PTPRN2: variants seen among roughly 807,000 people sequenced by gnomAD.
The protein encoded by PTPRN2 is protein tyrosine phosphatase receptor type N2.
Under a neutral mutation model 118.8 loss-of-function variants are expected in PTPRN2, and 74 were observed. The observed-to-expected ratio is 0.62, with a 90% CI of 0.52 to 0.76. The LOEUF is 0.76. Among genes scored for constraint, PTPRN2 ranks in the 30% least tolerant of loss-of-function variants. The pLI, the probability that PTPRN2 is intolerant of heterozygous loss-of-function variation, is 0.00. For missense variants in PTPRN2, 1,481 were observed against 1,394.4 expected, an observed-to-expected ratio of 1.06 and a Z score of -0.99; for synonymous variants, 641 against 608.0, an observed-to-expected ratio of 1.05 and a Z score of -0.80.
At position 158,071,280 on chromosome 7, in the gene PTPRN2, G is replaced by C. The variant is rs996670909; in HGVS notation, c.1723+10018C>G. 5.1e-3 allele frequency among the ~76,000 whole-genome samples: 365 copies of C among 71,670 alleles called. 18 individuals are homozygous for C. Among genetic ancestry groups the C allele is most frequent in the Admixed American group, 0.011 (79 of 7,210 alleles). 47.0% of individuals were successfully genotyped at this position (71,670 alleles called of 152,430 possible). ...GGTGCCCGTGGTGGTGGAGGTGCCC[G>C]TGGTGGTGGAGGTGCTCGTGGTGGA... On this transcript the variant is annotated intron_variant, in intron 11 of 22. Coordinates refer to ENST00000389418, the MANE Select transcript of PTPRN2 (RefSeq NM_002847.5).
At chr7:158,226,956 T>C (rs1828834931) in intron 3 of PTPRN2, among the ~76,000 whole-genome samples, 1 of 152,030 alleles carries the variant, frequency 6.6e-6, no homozygotes, top group African/African-American at 2.4e-5. Flanking sequence ...GGAGCCAGGC[T>C]GAGGAACAGA....
intron 9 of PTPRN2, among the ~76,000 whole-genome samples, chr7:158,123,321 A>G (rs1348157975): frequency 1.3e-5 from 2 of 152,180 alleles, no homozygotes; most frequent in African/African-American, 4.8e-5. Context: ...TGGGCTGGGG[A>G]GGTGCCCTGA....
rs985595014 is a variant in PTPRN2, at chr7:158,482,501, T to C, written c.163+7234A>G. On this transcript the variant is annotated intron_variant, in intron 2 of 22. Coordinates refer to ENST00000389418, the MANE Select transcript of PTPRN2 (RefSeq NM_002847.5). ...AGGAAGATTACAACTTGCTGAAAGC[T>C]CAGGTGATCATTAGCATTTTTAGCA... Among the ~76,000 whole-genome samples, 13 of 152,322 alleles carry C rather than the reference T, an allele frequency of 8.5e-5. No individual in the cohort carries two copies. In the East Asian group the frequency reaches 1.3e-3, roughly 16 times the overall value.
intron 11 of PTPRN2, among the ~76,000 whole-genome samples, chr7:158,067,337 C>A (rs1810849471): frequency 6.6e-6 from 1 of 152,220 alleles, no homozygotes; most frequent in Non-Finnish European, 1.5e-5. Context: ...TGAGTGTCTA[C>A]TGTGGAGGAG....
At chr7:157,559,840 GTCTC>G (rs945342647) in intron 21 of PTPRN2, among the ~76,000 whole-genome samples, 53 of 152,062 alleles carry the variant, frequency 3.5e-4, no homozygotes, top group African/African-American at 1.0e-3. Flanking sequence ...CCCCCGCCCC[GTCTC>G]TCTCCTGTGT....
intron 3 of PTPRN2, among the ~76,000 whole-genome samples, chr7:158,227,603 TA>T (rs1828890566): frequency 6.6e-6 from 1 of 152,014 alleles, no homozygotes; most frequent in African/African-American, 2.4e-5. Context: ...CACGACTATA[TA>T]AAAAAATACA....
chr7:157,988,650 C>T (rs1197955378), intron 11 of PTPRN2, among the ~76,000 whole-genome samples: 1 of 152,194 alleles, frequency 6.6e-6, no homozygotes, highest in Non-Finnish European at 1.5e-5. Flanking sequence ...CACAGGGGGG[C>T]TGGAGGGAAC....
At chr7:158,342,263 C>T (rs527553760) in intron 2 of PTPRN2, among the ~76,000 whole-genome samples, 1 of 139,976 alleles carries the variant, frequency 7.1e-6, no homozygotes, top group Non-Finnish European at 1.5e-5. Flanking sequence ...GCAGACGTCA[C>T]TCACACCCAC....
intron 3 of PTPRN2, among the ~76,000 whole-genome samples, chr7:158,285,152 G>T (rs964718249): frequency 1.3e-5 from 2 of 152,262 alleles, no homozygotes; most frequent in South Asian, 4.1e-4. Flanking sequence ...CCCAGGCTTT[G>T]GGCCATGCTG....
intron 2 of PTPRN2, among the ~76,000 whole-genome samples, chr7:158,317,659 C>G (rs1802445721): frequency 6.6e-6 from 1 of 152,204 alleles, no homozygotes; most frequent in Admixed American, 6.5e-5. Context: ...TTGGTGCACA[C>G]AAAAGGTTAA....
chr7:158,360,269 C>T (rs71544581), intron 2 of PTPRN2, among the ~76,000 whole-genome samples: 2 of 3,686 alleles, frequency 5.4e-4, no homozygotes, highest in African/African-American at 4.0e-3. Context: ...TCACCCAGGA[C>T]GACGCACAGA....
At chr7:157,943,214 C>T (rs1800255824) in intron 11 of PTPRN2, among the ~76,000 whole-genome samples, 1 of 152,194 alleles carries the variant, frequency 6.6e-6, no homozygotes, top group African/African-American at 2.4e-5. Flanking sequence ...CATCTCACAG[C>T]CTGGGGAAGC....
At chr7:157,989,742 C>T (rs775566901) in intron 11 of PTPRN2, among the ~76,000 whole-genome samples, 10 of 152,220 alleles carry the variant, frequency 6.6e-5, no homozygotes, top group Non-Finnish European at 1.2e-4. Context: ...ACATCCTTGT[C>T]ATGTCCACCC....
At chr7:158,133,236 C>T (rs1229894410) in intron 9 of PTPRN2, among the ~76,000 whole-genome samples, 1 of 152,198 alleles carries the variant, frequency 6.6e-6, no homozygotes, top group African/African-American at 2.4e-5. Context: ...GTCCGGGGTG[C>T]AGCAGTTTCC....
intron 12 of PTPRN2, among the ~76,000 whole-genome samples, chr7:157,750,853 A>T (rs1420428071): frequency 6.6e-6 from 1 of 152,206 alleles, no homozygotes; most frequent in Non-Finnish European, 1.5e-5. Context: ...TGCCTCCCAG[A>T]GACACCGTGG....
At chr7:157,982,558 C>A (rs1172033595) in intron 11 of PTPRN2, among the ~76,000 whole-genome samples, 1 of 129,098 alleles carries the variant, frequency 7.7e-6, no homozygotes, top group African/African-American at 3.0e-5. Context: ...AGTGCAGGGT[C>A]CCCCCAAACC....
At chr7:157,906,642 A>G (rs1299576105) in intron 11 of PTPRN2, among the ~76,000 whole-genome samples, 1 of 152,182 alleles carries the variant, frequency 6.6e-6, no homozygotes, top group Non-Finnish European at 1.5e-5. Flanking sequence ...TCCTAAAAAA[A>G]AAAAGGTTTA....
intron 12 of PTPRN2, among the ~76,000 whole-genome samples, chr7:157,702,989 A>G (rs1216320879): frequency 2.6e-5 from 4 of 152,188 alleles, no homozygotes; most frequent in Non-Finnish European, 4.4e-5. Context: ...CTCTTTGTGG[A>G]AAGCCTTAAA....
At chr7:158,332,816 C>A (rs1282929333) in intron 2 of PTPRN2, among the ~76,000 whole-genome samples, 2 of 151,610 alleles carry the variant, frequency 1.3e-5, no homozygotes. Context: ...CACTCACGTA[C>A]ACACTTCTCA....
Sources: allele counts gnomAD v4.1 joint callset (sites outside exome capture counted in the v4.1 genomes callset), GRCh38; gene constraint gnomAD v4.1.1; transcripts MANE v1.5; gene names NCBI Gene and HGNC (gene_info 2026-07-23, HGNC 2026-07-21).